The following DNAH9 variants were observed in gnomAD, a reference collection of about 807,000 sequenced individuals.
The protein encoded by DNAH9 is DNAH9 variant protein.
In DNAH9, 345 loss-of-function variants were observed where a neutral mutation model predicts 471.6. The ratio of observed to expected loss-of-function variants is 0.73; its 90% CI spans 0.67 to 0.80. The LOEUF is 0.80. Ranked by LOEUF, DNAH9 falls within the 30% of genes least tolerant of loss-of-function variation. DNAH9 has a pLI of 0.00. For missense variants in DNAH9, 5,407 were observed against 5,609.2 expected (o/e 0.96, Z 1.15); for synonymous variants, 2,093 against 2,123.6 (o/e 0.99, Z 0.40).
intron 67 of DNAH9, among the ~76,000 whole-genome samples, chr17:11,952,162 C>CA (rs1975394558): frequency 9.4e-5 from 11 of 117,216 alleles, no homozygotes; most frequent in African/African-American, 3.2e-4. Context: ...TTTTTTTTGA[C>CA]AGAGTCTTGC....
chr17:11,887,981 G>GT lies in DNAH9; in HGVS notation c.11112+1022dup, dbSNP rs767926831. Among the ~76,000 whole-genome samples the GT allele has an allele frequency of 3.0e-3, 439 of 145,524 alleles. 2 individuals are homozygous for GT. The highest frequency in any genetic ancestry group is 5.6e-3 in the Non-Finnish European group (369 of 66,120). ...TGAACTGTGTTTATAATATTTTATG[G>GT]TTTTTTGTTTTTTTTTTTTGAGAGG... On this transcript the variant is annotated intron_variant, in intron 57 of 68. Transcript: ENST00000262442.
chr17:11,744,080 G>A (rs543835538), intron 30 of DNAH9, among the ~76,000 whole-genome samples: 110 of 152,060 alleles, frequency 7.2e-4, no homozygotes, highest in Admixed American at 1.3e-3. Context: ...CACCTGCCTC[G>A]GCCTCCCAAA....
chr17:11,665,085 C>G (rs1260497922), intron 15 of DNAH9, 117 bp downstream of exon 15: 3 of 870,438 alleles, frequency 3.4e-6, no homozygotes, highest in Non-Finnish European at 5.4e-6. Context: ...CGTTGTAGAC[C>G]TTTTGTGAAT....
In DNAH9 at chr17:11,669,353, T is replaced by C; in HGVS notation, c.2929-17T>C. On this transcript the variant is annotated splice_polypyrimidine_tract_variant and intron_variant, in intron 16 of 68. Transcript: ENST00000262442. The stretch of plus-strand genomic sequence containing the variant: ...ACACACTGGTGTAACCTGCCTGCCG[T>C]TGTCTCGCTTCCCCAGGTCGACCTG... 2 of 1,604,128 alleles carry C rather than the reference T, an allele frequency of 1.2e-6. No individual in the cohort carries two copies. Among genetic ancestry groups the C allele is most frequent in the Non-Finnish European group, 1.7e-6 (2 of 1,174,246 alleles).
chr17:11,607,870 G>A (rs1288826024), intron 1 of DNAH9, among the ~76,000 whole-genome samples: 2 of 152,054 alleles, frequency 1.3e-5, no homozygotes, highest in African/African-American at 4.8e-5. Context: ...GCACTTAGCC[G>A]ATAAAGAATT....
At chr17:11,692,023 C>T (rs544684063) in intron 20 of DNAH9, among the ~76,000 whole-genome samples, 16 of 151,608 alleles carry the variant, frequency 1.1e-4, no homozygotes, top group African/African-American at 3.9e-4. Context: ...AGGCTGGTCT[C>T]GAACTCCTGA....
chr17:11,758,258 C>G (rs1158448426), intron 35 of DNAH9, among the ~76,000 whole-genome samples: 4 of 152,200 alleles, frequency 2.6e-5, no homozygotes, highest in African/African-American at 7.2e-5. Flanking sequence ...CCACTTATCA[C>G]TAAGCAAGAG....
At chr17:11,648,289 A>C (rs1401374004) in intron 12 of DNAH9, among the ~76,000 whole-genome samples, 1 of 152,238 alleles carries the variant, frequency 6.6e-6, no homozygotes, top group Non-Finnish European at 1.5e-5. Context: ...CCTCCTCTGC[A>C]ATCAAAGTCA....
chr17:11,902,597 G>A lies in DNAH9; in HGVS notation c.11407-122G>A, dbSNP rs1973448727. The A allele has an allele frequency of 1.3e-5, 13 of 970,170 alleles. No homozygotes were observed. In the South Asian group the frequency reaches 2.2e-4, roughly 17 times the overall value. The allele number at this position is 970,170 out of a possible 1,614,324, so 60.1% of individuals were successfully genotyped here. ...TCCTGGGGGATGATCCAAAGCTCTA[G>A]ACAAGAGTATAAATGAGACAGAATT... On this transcript the variant is annotated intron_variant, in intron 59 of 68. Transcript: ENST00000262442.
chr17:11,868,228 C>T (rs1416872139), intron 50 of DNAH9, among the ~76,000 whole-genome samples: 3 of 152,184 alleles, frequency 2.0e-5, no homozygotes, highest in Admixed American at 1.3e-4. Flanking sequence ...GCCAGTCTGC[C>T]ATCCTTAATT....
chr17:11,642,320 C>T (rs2073290037), intron 10 of DNAH9, among the ~76,000 whole-genome samples: 1 of 152,100 alleles, frequency 6.6e-6, no homozygotes, highest in Non-Finnish European at 1.5e-5. Context: ...GGGTGGATCC[C>T]CTGAGGTCAG....
At chr17:11,770,777 C>G (rs1204595620) in intron 38 of DNAH9, among the ~76,000 whole-genome samples, 1 of 152,202 alleles carries the variant, frequency 6.6e-6, no homozygotes, top group Non-Finnish European at 1.5e-5. Context: ...GTCACAGCAA[C>G]AAGCATGACA....
intron 38 of DNAH9, 69 bp from the exon 39 acceptor site, chr17:11,780,940 T>A (rs1333176655): frequency 3.9e-5 from 59 of 1,510,380 alleles, no homozygotes; most frequent in Non-Finnish European, 3.6e-6. Context: ...CTCCTTGAAA[T>A]CTTTGCTGTC....
intron 36 of DNAH9, among the ~76,000 whole-genome samples, chr17:11,764,458 A>G (rs983837836): frequency 6.6e-6 from 1 of 152,150 alleles, no homozygotes; most frequent in African/African-American, 2.4e-5. Context: ...TGTACAGAAG[A>G]TTTATTCATC....
At chr17:11,870,805 G>A (rs1972234880) in intron 51 of DNAH9, among the ~76,000 whole-genome samples, 1 of 152,098 alleles carries the variant, frequency 6.6e-6, no homozygotes, top group African/African-American at 2.4e-5. Flanking sequence ...GGATGTTCAG[G>A]CTCTGAAGCC....
chr17:11,871,460 A>C lies in DNAH9; in HGVS notation c.10054-138A>C, dbSNP rs187420247. 2.6e-5 allele frequency: 19 copies of C among 727,232 alleles called. No individual in the cohort carries two copies. In the Admixed American group the frequency reaches 4.2e-4, roughly 16 times the overall value. The allele number at this position is 727,232 out of a possible 1,614,324, so 45.0% of individuals were successfully genotyped here. On this transcript the variant is annotated intron_variant, in intron 51 of 68. Transcript: ENST00000262442. ...GCTACAGGCAGCACAAATCCCCATT[A>C]ACGGAAAGGGCCATATAAGTGATAT...
intron 37 of DNAH9, among the ~76,000 whole-genome samples, chr17:11,768,878 A>G (rs1641350060): frequency 6.6e-6 from 1 of 152,196 alleles, no homozygotes; most frequent in Admixed American, 6.5e-5. Context: ...GAGAGGCCAC[A>G]GAGAAAGAGG....
intron 28 of DNAH9, among the ~76,000 whole-genome samples, chr17:11,735,411 TTTTTTTTGTTTTG>T (rs1041504072): frequency 8.6e-5 from 13 of 151,730 alleles, no homozygotes; most frequent in African/African-American, 2.7e-4. Context: ...AGCTTTCCAT[TTTTTTTTGTTTTG>T]TTTTTTTGTT....
At chr17:11,721,256 G>T (rs1047579052) in intron 27 of DNAH9, among the ~76,000 whole-genome samples, 17 of 151,590 alleles carry the variant, frequency 1.1e-4, no homozygotes, top group Middle Eastern at 3.4e-3. Flanking sequence ...GTCTATCTTT[G>T]TTTTTTTTGT....
Sources: allele counts gnomAD v4.1 joint callset (sites outside exome capture counted in the v4.1 genomes callset), GRCh38; gene constraint gnomAD v4.1.1; transcripts MANE v1.5; gene names NCBI Gene and HGNC (gene_info 2026-07-23, HGNC 2026-07-21).